The following GRM8 variants were observed in gnomAD, a reference collection of about 807,000 sequenced individuals.
The protein encoded by GRM8 is metabotropic glutamate receptor 8.
In GRM8, 47 loss-of-function variants were observed where a neutral mutation model predicts 87.2. The ratio of observed to expected loss-of-function variants is 0.54; its 90% CI spans 0.43 to 0.69. The LOEUF (loss-of-function observed/expected upper bound fraction) is 0.69. Ranked by LOEUF, GRM8 falls within the 30% of genes least tolerant of loss-of-function variation. GRM8 has a pLI of 0.00. For missense variants in GRM8, 1,019 were observed against 1,139.2 expected, an observed-to-expected ratio of 0.89 and a Z score of 1.52; for synonymous variants, 396 against 404.5, an observed-to-expected ratio of 0.98 and a Z score of 0.25.
chr7:127,201,549 A>G (rs1795609834), intron 2 of GRM8, among the ~76,000 whole-genome samples: 1 of 152,252 alleles, frequency 6.6e-6, no homozygotes, highest in Non-Finnish European at 1.5e-5. Flanking sequence ...TAAAGGATCA[A>G]CCGGAGAGAT....
intron 3 of GRM8, among the ~76,000 whole-genome samples, chr7:126,927,874 C>G (rs528944350): frequency 1.3e-5 from 2 of 152,106 alleles, no homozygotes; most frequent in African/African-American, 4.8e-5. Context: ...TGGGTATACA[C>G]CCAAAGGATT....
At chr7:126,744,237 C>T (rs952709923) in intron 7 of GRM8, among the ~76,000 whole-genome samples, 1 of 151,910 alleles carries the variant, frequency 6.6e-6, no homozygotes, top group African/African-American at 2.4e-5. Flanking sequence ...TTTTTAATGG[C>T]ATGTTTTTTC....
At chr7:126,917,269 C>G (rs1214575409) in intron 3 of GRM8, among the ~76,000 whole-genome samples, 2 of 152,054 alleles carry the variant, frequency 1.3e-5, no homozygotes, top group Non-Finnish European at 2.9e-5. Context: ...AGCCACCATG[C>G]CCAGCATAAT....
chr7:126,925,656 G>C (rs936820248), intron 3 of GRM8, among the ~76,000 whole-genome samples: 2 of 151,990 alleles, frequency 1.3e-5, no homozygotes, highest in South Asian at 4.2e-4. Flanking sequence ...TTTGTGTTTG[G>C]TTTCCCACTG....
At chr7:127,210,841 A>G (rs17864160) in intron 2 of GRM8, among the ~76,000 whole-genome samples, 15,480 of 152,128 alleles carry the variant, frequency 0.1, 1,404 homozygotes, top group African/African-American at 0.25. Context: ...AAGAAGATCA[A>G]TTTAGTACCA....
At chr7:126,773,454 G>A (rs984536927) in intron 6 of GRM8, among the ~76,000 whole-genome samples, 7 of 152,154 alleles carry the variant, frequency 4.6e-5, no homozygotes, top group African/African-American at 1.7e-4. Context: ...CTAGACATGT[G>A]TGAATGTTTT....
At chr7:126,628,577 AAAGT>A (rs1323414504) in intron 7 of GRM8, among the ~76,000 whole-genome samples, 2 of 152,230 alleles carry the variant, frequency 1.3e-5, no homozygotes, top group Non-Finnish European at 2.9e-5. Context: ...TTAAATGAAA[AAAGT>A]AAGTATACAA....
chr7:126,553,041 T>C (rs146536726), intron 8 of GRM8, among the ~76,000 whole-genome samples: 103 of 152,202 alleles, frequency 6.8e-4, no homozygotes, highest in African/African-American at 2.4e-3. Flanking sequence ...ATAATAGTCA[T>C]AGTTAGCAAT....
At chr7:126,990,607 A>C (rs748810978) in intron 3 of GRM8, among the ~76,000 whole-genome samples, 16 of 152,214 alleles carry the variant, frequency 1.1e-4, no homozygotes, top group Non-Finnish European at 2.2e-4. Context: ...AATGCTTTCC[A>C]ATGGAGATGC....
At chr7:126,629,143 TC>T (rs1303596775) in intron 7 of GRM8, among the ~76,000 whole-genome samples, 1 of 152,110 alleles carries the variant, frequency 6.6e-6, no homozygotes, top group Non-Finnish European at 1.5e-5. Context: ...ATATGAATCC[TC>T]CCCGGAGGTC....
intron 3 of GRM8, among the ~76,000 whole-genome samples, chr7:126,997,856 G>A (rs751307012): frequency 3.3e-5 from 5 of 151,652 alleles, no homozygotes; most frequent in Non-Finnish European, 1.5e-5. Flanking sequence ...CACCAGACAT[G>A]TAAAGAACTA....
At chr7:126,518,916 G>T (rs1448963122) in intron 9 of GRM8, among the ~76,000 whole-genome samples, 1 of 151,976 alleles carries the variant, frequency 6.6e-6, no homozygotes, top group Admixed American at 6.6e-5. Context: ...CCTTAATCAA[G>T]TCCACAGATA....
chr7:127,233,445 C>T (rs1360047233), intron 2 of GRM8, among the ~76,000 whole-genome samples: 1 of 152,148 alleles, frequency 6.6e-6, no homozygotes, highest in Non-Finnish European at 1.5e-5. Context: ...AGTTCAAACA[C>T]TCTGAGATGA....
chr7:126,997,238 C>A (rs1304912407), intron 3 of GRM8, among the ~76,000 whole-genome samples: 1 of 150,960 alleles, frequency 6.6e-6, no homozygotes, highest in African/African-American at 2.4e-5. Context: ...TGAAAAATTT[C>A]TTGAAATAAA....
chr7:126,477,391 C>CA (rs1806048516), intron 9 of GRM8, among the ~76,000 whole-genome samples: 1 of 151,876 alleles, frequency 6.6e-6, no homozygotes, highest in Non-Finnish European at 1.5e-5. Context: ...ACCTGACACA[C>CA]AGACACAAAG....
At chr7:126,651,343 A>G (rs933862070) in intron 7 of GRM8, among the ~76,000 whole-genome samples, 17 of 152,180 alleles carry the variant, frequency 1.1e-4, no homozygotes, top group African/African-American at 2.7e-4. Context: ...TGAAGTCACA[A>G]TTAAAATGCC....
At chr7:126,935,869 C>T (rs566631974) in intron 3 of GRM8, among the ~76,000 whole-genome samples, 1 of 152,298 alleles carries the variant, frequency 6.6e-6, no homozygotes, top group Admixed American at 6.5e-5. Flanking sequence ...CTAAATAAAC[C>T]TTGTTCCTCA....
intron 9 of GRM8, among the ~76,000 whole-genome samples, chr7:126,485,207 C>G (rs925891159): frequency 1.3e-5 from 2 of 151,986 alleles, no homozygotes; most frequent in African/African-American, 2.4e-5. Flanking sequence ...TTACTAGCCA[C>G]TAGACAAAAT....
At chr7:126,471,693 T>C (rs1031463761) in intron 9 of GRM8, among the ~76,000 whole-genome samples, 1 of 151,898 alleles carries the variant, frequency 6.6e-6, no homozygotes, top group Non-Finnish European at 1.5e-5. Context: ...TGGTTCCATA[T>C]GAACTTTAAA....
Sources: allele counts gnomAD v4.1 joint callset (sites outside exome capture counted in the v4.1 genomes callset), GRCh38; gene constraint gnomAD v4.1.1; transcripts MANE v1.5; gene names NCBI Gene and HGNC (gene_info 2026-07-23, HGNC 2026-07-21).